Variants in BLTP1 observed in about 807,000 individuals in gnomAD.
The protein encoded by BLTP1 is fragile site-associated protein.
At chr4:122,313,529 GTA>G in the BLTP1 span, 3 of 815,680 alleles carry the variant, frequency 3.7e-6, no homozygotes, top group Non-Finnish European at 5.4e-6. Context: ...AATCCTCTTT[GTA>G]TTTAGACAAT....
the BLTP1 span, chr4:122,254,821 A>C: frequency 6.3e-7 from 1 of 1,578,972 alleles, no homozygotes. Context: ...GAACCTTTTA[A>C]GCACTGCAAC....
At chr4:122,179,354 C>T in the BLTP1 span, among the ~76,000 whole-genome samples, 1 of 152,234 alleles carries the variant, frequency 6.6e-6, no homozygotes, top group African/African-American at 2.4e-5. Context: ...CAGTTCACAT[C>T]CCACCTTTAT....
chr4:122,292,956 T>G, the BLTP1 span: 52 of 504,672 alleles, frequency 1.0e-4, 1 homozygote, highest in Non-Finnish European at 1.2e-4. Context: ...CAAAGGCTAA[T>G]CCAAAAAAAA....
chr4:122,346,556 A>G, the BLTP1 span: 1 of 1,566,700 alleles, frequency 6.4e-7, no homozygotes, highest in African/African-American at 1.4e-5. Context: ...ACCCTGTCTT[A>G]TACCTACCAT....
At chr4:122,351,169 G>A in the BLTP1 span, 1 of 466,836 alleles carries the variant, frequency 2.1e-6, no homozygotes, top group Non-Finnish European at 2.8e-6. Context: ...TGATAGAGGT[G>A]TAAGTGGTGA....
chr4:122,276,072 A>C, the BLTP1 span: 2 of 1,431,486 alleles, frequency 1.4e-6, no homozygotes. Context: ...GTAGTATTGA[A>C]TAGTTTTTAA....
the BLTP1 span, chr4:122,181,362 A>G: frequency 2.5e-5 from 7 of 276,232 alleles, no homozygotes; most frequent in Admixed American, 6.5e-5. Flanking sequence ...TTAGTAATAA[A>G]AATCTTGGTC....
the BLTP1 span, among the ~76,000 whole-genome samples, chr4:122,229,425 T>A: frequency 1.3e-5 from 2 of 152,222 alleles, no homozygotes; most frequent in Non-Finnish European, 2.9e-5. Flanking sequence ...AAGGCATACT[T>A]TCACCAGTTA....
chr4:122,353,860 C>T, the BLTP1 span: 1 of 1,613,646 alleles, frequency 6.2e-7, no homozygotes, highest in Non-Finnish European at 8.5e-7. The surrounding 1 kb of genome is among the most constrained non-coding windows in gnomAD (Gnocchi z 4.3). Flanking sequence ...TAGATTTTCA[C>T]CTGGGTCATA....
At chr4:122,262,393 G>T in the BLTP1 span, among the ~76,000 whole-genome samples, 2 of 152,060 alleles carry the variant, frequency 1.3e-5, no homozygotes, top group African/African-American at 2.4e-5. Flanking sequence ...CCTTAGGTAT[G>T]AATAGTGCTT....
chr4:122,190,230 A>C, the BLTP1 span: 9 of 1,091,370 alleles, frequency 8.2e-6, no homozygotes, highest in Non-Finnish European at 1.1e-5. Flanking sequence ...CTGAGTTGCT[A>C]AGATGACAGG....
the BLTP1 span, chr4:122,187,384 G>T: frequency 2.5e-6 from 4 of 1,604,678 alleles, no homozygotes; most frequent in African/African-American, 2.7e-5. Context: ...ATGTCCTCAG[G>T]TATTTAAGGT....
the BLTP1 span, chr4:122,318,307 AC>A: frequency 3.2e-6 from 5 of 1,566,688 alleles, no homozygotes; most frequent in Non-Finnish European, 4.4e-6. Flanking sequence ...TGGTGACAAA[AC>A]CACCTGACTT....
the BLTP1 span, chr4:122,347,651 A>G: frequency 6.2e-7 from 1 of 1,613,906 alleles, no homozygotes; most frequent in Non-Finnish European, 8.5e-7. Flanking sequence ...CACATGCCTC[A>G]GTCACCTAAT....
chr4:122,321,552 C>A, the BLTP1 span, among the ~76,000 whole-genome samples: 20 of 151,422 alleles, frequency 1.3e-4, no homozygotes, highest in African/African-American at 4.6e-4. Context: ...TATATACACA[C>A]ACTCACACAC....
the BLTP1 span, among the ~76,000 whole-genome samples, chr4:122,300,167 C>G: frequency 6.6e-6 from 1 of 152,048 alleles, no homozygotes; most frequent in African/African-American, 2.4e-5. Flanking sequence ...CACCAGCACA[C>G]CCAGCTAATT....
At chr4:122,271,387 T>C in the BLTP1 span, 2 of 1,613,894 alleles carry the variant, frequency 1.2e-6, no homozygotes, top group Non-Finnish European at 1.7e-6. Context: ...CATCTGACTT[T>C]AGCCGCAGTT....
the BLTP1 span, chr4:122,336,002 T>C: frequency 4.3e-6 from 2 of 467,364 alleles, no homozygotes; most frequent in African/African-American, 2.0e-5. Context: ...AACCAACTTA[T>C]TATATGTTAT....
chr4:122,187,877 T>G, the BLTP1 span: 1 of 1,563,464 alleles, frequency 6.4e-7, no homozygotes, highest in South Asian at 1.2e-5. Flanking sequence ...TCTTATCTGT[T>G]TATTTTTTTT....
Sources: gnomAD v4.1 joint callset for allele counts (sites outside exome capture counted in the v4.1 genomes callset) on GRCh38, gnomAD v4.1.1 for gene constraint, Gnocchi (gnomAD v3.1) non-coding constraint, MANE v1.5 for transcripts, NCBI Gene and HGNC (gene_info 2026-07-23, HGNC 2026-07-21) for gene names.